The following RPGRIP1 variants were observed in gnomAD, a reference collection of about 807,000 sequenced individuals.
RPGRIP1 encodes the protein RPGR interacting protein 1.
In RPGRIP1, 128 loss-of-function variants were observed where a neutral mutation model predicts 157.9. The observed-to-expected ratio is 0.81, with a 90% CI of 0.70 to 0.94. The LOEUF is 0.94. Ranked by LOEUF, RPGRIP1 falls within the 40% of genes least tolerant of loss-of-function variation. The pLI is 0.00. For missense variants in RPGRIP1, 1,486 were observed against 1,545.8 expected, an observed-to-expected ratio of 0.96 and a Z score of 0.65; for synonymous variants, 554 against 571.6, an observed-to-expected ratio of 0.97 and a Z score of 0.44.
intron 11 of RPGRIP1, 57 bp downstream of exon 11, chr14:21,317,907 G>A: frequency 6.9e-7 from 1 of 1,452,026 alleles, no homozygotes; most frequent in Non-Finnish European, 9.4e-7. Flanking sequence ...TCTGGTTTGG[G>A]AGAAGATAAC....
At chr14:21,330,221 A>ATG (rs1314052042) in intron 19 of RPGRIP1, 28 bp from the exon 20 acceptor site, 22 of 1,501,530 alleles carry the variant, frequency 1.5e-5, no homozygotes, top group Non-Finnish European at 1.9e-5. Flanking sequence ...ATTACCAGCT[A>ATG]TGTAGTATTG....
chr14:21,311,111 A>C (rs900774416), intron 8 of RPGRIP1, among the ~76,000 whole-genome samples: 2 of 152,218 alleles, frequency 1.3e-5, no homozygotes, highest in Admixed American at 6.6e-5. Flanking sequence ...CCAGAAACAC[A>C]CACAGAACTT....
At chr14:21,292,611 G>A (rs1880580361) in intron 2 of RPGRIP1, among the ~76,000 whole-genome samples, 1 of 152,098 alleles carries the variant, frequency 6.6e-6, no homozygotes, top group African/African-American at 2.4e-5. Context: ...GGAGGCTGAG[G>A]CAGGCGGATC....
intron 9 of RPGRIP1, 108 bp downstream of exon 9, chr14:21,312,078 G>A (rs545500597): frequency 9.3e-5 from 93 of 997,750 alleles, no homozygotes; most frequent in South Asian, 7.3e-4. Flanking sequence ...TGACAAAAAC[G>A]AAGCTCCGAG....
rs1883084250 is a variant in RPGRIP1 at position 21,326,177 on chromosome 14, G to A, written c.2710+4G>A. On this transcript the variant is annotated splice_donor_region_variant and intron_variant, in intron 17 of 24. Transcript: ENST00000400017. ...GCAAAAAATGAATCTATCAAAGGTG[G>A]GAGTTCGAGGTTATTACATCTTCAC... 2 of 1,549,198 alleles carry A rather than the reference G, an allele frequency of 1.3e-6. No homozygotes were observed. The highest frequency in any genetic ancestry group is 1.7e-6 in the Non-Finnish European group (2 of 1,145,494).
chr14:21,307,657 G>T (rs8005773), intron 6 of RPGRIP1, 74 bp from the exon 7 acceptor site: 30 of 927,388 alleles, frequency 3.2e-5, no homozygotes, highest in Admixed American at 2.2e-4. Flanking sequence ...ATTCTTACTA[G>T]GGCATAGTCA....
chr14:21,301,761 C>A (rs977370747), intron 4 of RPGRIP1, among the ~76,000 whole-genome samples: 1 of 150,858 alleles, frequency 6.6e-6, no homozygotes, highest in Admixed American at 6.6e-5. Flanking sequence ...GCCTGCAGTC[C>A]CACCTACTTG....
At chr14:21,297,873 C>CTTTT (rs1555365065) in intron 3 of RPGRIP1, among the ~76,000 whole-genome samples, 15 of 150,754 alleles carry the variant, frequency 9.9e-5, no homozygotes, top group Non-Finnish European at 2.1e-4. Flanking sequence ...TTCTTTCTTT[C>CTTTT]TTTCTTTTTT....
chr14:21,332,273 G>A (rs1159139092), intron 20 of RPGRIP1, among the ~76,000 whole-genome samples: 1 of 151,986 alleles, frequency 6.6e-6, no homozygotes, highest in Non-Finnish European at 1.5e-5. Flanking sequence ...GAATGTATTT[G>A]GCATAACTTC....
At chr14:21,317,657 C>G (rs766027730) in intron 10 of RPGRIP1, 39 bp from the exon 11 acceptor site, 2 of 1,561,634 alleles carry the variant, frequency 1.3e-6, no homozygotes, top group East Asian at 2.4e-5. Context: ...TATCACACCC[C>G]TTGGGGTATC....
rs756754711 is a variant in RPGRIP1, at chr14:21,330,321, G to A, written c.3172G>A (p.Glu1058Lys). The A allele has an allele frequency of 1.6e-5, 25 of 1,581,516 alleles. No homozygotes were observed. The highest frequency in any genetic ancestry group is 7.3e-5 in the Admixed American group (4 of 54,452). ...FIGDGFKNQH[E>K]EEEMTLSHSA... ...AGGTGATGGCTTTAAAAATCAGCAC[G>A]AGGAAGAGGAAATGACATTATCCCA... Residue 1058 changes from glutamate to lysine, a missense_variant, in exon 20 of 25, where the codon GAG (glutamate) becomes AAG (lysine). By Grantham distance (56) the Glu-to-Lys change is moderately conservative. Transcript: ENST00000400017.
chr14:21,330,623 A>G (rs925177834), intron 20 of RPGRIP1, among the ~76,000 whole-genome samples: 4 of 151,996 alleles, frequency 2.6e-5, no homozygotes, highest in Admixed American at 1.3e-4. Flanking sequence ...CCGAGATTGC[A>G]CCACTGCACT....
At chr14:21,280,988 T>G (rs7151293) in intron 1 of RPGRIP1, among the ~76,000 whole-genome samples, 3,524 of 152,050 alleles carry the variant, frequency 0.023, 96 homozygotes, top group African/African-American at 0.065. Flanking sequence ...AATATATATA[T>G]AGAGAGAGTG....
At chr14:21,300,022 G>A (rs980712543) in intron 3 of RPGRIP1, among the ~76,000 whole-genome samples, 1 of 152,188 alleles carries the variant, frequency 6.6e-6, no homozygotes, top group Non-Finnish European at 1.5e-5. Context: ...AAGGCCGGGC[G>A]CGGTGGCTCA....
chr14:21,301,505 C>A (rs1489170820), intron 4 of RPGRIP1, among the ~76,000 whole-genome samples: 2 of 151,802 alleles, frequency 1.3e-5, no homozygotes, highest in Non-Finnish European at 2.9e-5. Flanking sequence ...GGTGAAACCC[C>A]GTCTCTAATA....
At chr14:21,329,028 C>T (rs1369878313) in intron 19 of RPGRIP1, among the ~76,000 whole-genome samples, 2 of 151,812 alleles carry the variant, frequency 1.3e-5, no homozygotes, top group African/African-American at 2.4e-5. Context: ...CCTGTAATCC[C>T]AGTTACTCGG....
At chr14:21,298,522 G>C (rs910376080) in intron 3 of RPGRIP1, among the ~76,000 whole-genome samples, 3 of 151,916 alleles carry the variant, frequency 2.0e-5, no homozygotes, top group Admixed American at 1.3e-4. Flanking sequence ...AAAACAAATG[G>C]AGATAGCACA....
chr14:21,330,855 T>A (rs1883695880), intron 20 of RPGRIP1, among the ~76,000 whole-genome samples: 1 of 152,090 alleles, frequency 6.6e-6, no homozygotes, highest in African/African-American at 2.4e-5. Flanking sequence ...AATTCTTAAA[T>A]AAGTAACTTT....
chr14:21,300,763 A>G (rs559581444), intron 3 of RPGRIP1, among the ~76,000 whole-genome samples: 1 of 149,708 alleles, frequency 6.7e-6, no homozygotes, highest in Admixed American at 6.7e-5. Flanking sequence ...ACTGCAATAA[A>G]ATAAAGACAG....
Sources: gnomAD v4.1 joint callset for allele counts (sites outside exome capture counted in the v4.1 genomes callset) on GRCh38, gnomAD v4.1.1 for gene constraint, MANE v1.5 for transcripts, NCBI Gene and HGNC (gene_info 2026-07-23, HGNC 2026-07-21) for gene names.